Variants in NBEA observed in about 807,000 individuals in gnomAD.
NBEA encodes the protein neurobeachin.
A neutral mutation model predicts 343.4 loss-of-function variants in NBEA; 44 were observed. The observed-to-expected ratio is 0.13, with a 90% CI of 0.10 to 0.16. The LOEUF (loss-of-function observed/expected upper bound fraction) is 0.16. Ranked by LOEUF, NBEA falls within the 10% of genes least tolerant of loss-of-function variation. The probability of loss-of-function intolerance (pLI) is 1.00; values close to 1 mark genes in which losing one functional copy is unlikely to be tolerated. For synonymous variants in NBEA, 1,175 were observed against 1,238.7 expected (o/e 0.95, Z 1.08); for missense variants, 2,555 against 3,631.3 (o/e 0.70, Z 7.62).
At chr13:35,208,586 A>T in intron 31 of NBEA, 114 bp from the exon 32 acceptor site, 1 of 947,964 alleles carries the variant, frequency 1.1e-6, no homozygotes. Context: ...ATTTTTTTTT[A>T]ATTAAAAGAA....
At chr13:35,137,675 T>C (rs2067819357) in intron 17 of NBEA, among the ~76,000 whole-genome samples, 1 of 152,128 alleles carries the variant, frequency 6.6e-6, no homozygotes, top group Non-Finnish European at 1.5e-5. Flanking sequence ...TAAAAAGATA[T>C]CTAATGTTTA....
At chr13:35,091,952 GTAAC>G (rs1182427177) in intron 10 of NBEA, among the ~76,000 whole-genome samples, 2 of 151,956 alleles carry the variant, frequency 1.3e-5, no homozygotes, top group East Asian at 3.9e-4. Flanking sequence ...GAATGACAAA[GTAAC>G]TAGGATAGTT....
intron 40 of NBEA, among the ~76,000 whole-genome samples, chr13:35,452,966 A>G (rs2046380821): frequency 6.6e-6 from 1 of 152,156 alleles, no homozygotes; most frequent in Admixed American, 6.5e-5. Flanking sequence ...CATATCCTCA[A>G]CCTCACCTTA....
intron 34 of NBEA, among the ~76,000 whole-genome samples, chr13:35,257,106 A>G (rs988221989): frequency 3.9e-5 from 6 of 152,208 alleles, no homozygotes; most frequent in African/African-American, 1.2e-4. Context: ...ACTTTTTAAA[A>G]GTGTGTGAGA....
At chr13:35,267,374 C>A (rs1305304063) in intron 34 of NBEA, among the ~76,000 whole-genome samples, 1 of 151,708 alleles carries the variant, frequency 6.6e-6, no homozygotes, top group Non-Finnish European at 1.5e-5. Flanking sequence ...ACAAAATATA[C>A]AATTTTATCT....
intron 10 of NBEA, among the ~76,000 whole-genome samples, chr13:35,097,064 G>T (rs2065373274): frequency 6.6e-6 from 1 of 151,642 alleles, no homozygotes; most frequent in African/African-American, 2.4e-5. Context: ...TGTCTAGCTG[G>T]TATGTAATTC....
chr13:35,427,008 A>G (rs2044724886), intron 38 of NBEA, among the ~76,000 whole-genome samples: 1 of 152,084 alleles, frequency 6.6e-6, no homozygotes, highest in Non-Finnish European at 1.5e-5. Context: ...ACTTCTCTGC[A>G]TTGGTTATTC....
chr13:35,407,754 A>T (rs1290603976), intron 38 of NBEA, among the ~76,000 whole-genome samples: 1 of 152,188 alleles, frequency 6.6e-6, no homozygotes, highest in Non-Finnish European at 1.5e-5. Context: ...ATGAACTCCC[A>T]TTCACAATTG....
chr13:35,398,083 G>C (rs1195244903), intron 38 of NBEA, among the ~76,000 whole-genome samples: 1 of 152,122 alleles, frequency 6.6e-6, no homozygotes, highest in Non-Finnish European at 1.5e-5. Flanking sequence ...GGAATATTCT[G>C]AATGCTTTGT....
At chr13:35,156,628 A>G (rs1487708255) in intron 20 of NBEA, among the ~76,000 whole-genome samples, 3 of 152,146 alleles carry the variant, frequency 2.0e-5, no homozygotes. Context: ...GTCTGAGGCC[A>G]TGAACTCTGG....
intron 40 of NBEA, among the ~76,000 whole-genome samples, chr13:35,461,597 A>C (rs2046907398): frequency 6.6e-6 from 1 of 152,230 alleles, no homozygotes; most frequent in Non-Finnish European, 1.5e-5. Context: ...AAGATAACAA[A>C]ACAATTTTCC....
chr13:35,316,284 G>A (rs1566607929), intron 36 of NBEA, among the ~76,000 whole-genome samples: 1 of 151,760 alleles, frequency 6.6e-6, no homozygotes, highest in Non-Finnish European at 1.5e-5. Flanking sequence ...ACAGGCCCCA[G>A]TGTGTGATGT....
intron 38 of NBEA, among the ~76,000 whole-genome samples, chr13:35,371,096 C>A (rs530247999): frequency 1.3e-5 from 2 of 152,126 alleles, no homozygotes; most frequent in East Asian, 3.9e-4. Context: ...TTGGAGAAGA[C>A]CTTTTGAAAT....
chr13:35,092,519 A>G (rs539721450), intron 10 of NBEA, among the ~76,000 whole-genome samples: 2 of 152,028 alleles, frequency 1.3e-5, no homozygotes, highest in East Asian at 1.9e-4. Flanking sequence ...GTCCTTAACA[A>G]TAAGACTACA....
At chr13:34,976,658 T>G (rs912655193) in intron 1 of NBEA, among the ~76,000 whole-genome samples, 1 of 150,412 alleles carries the variant, frequency 6.6e-6, no homozygotes, top group Non-Finnish European at 1.5e-5. Context: ...TTTTTTGTTT[T>G]TTTTTTTTTT....
chr13:34,986,243 C>G (rs977289786), intron 1 of NBEA, among the ~76,000 whole-genome samples: 1 of 150,674 alleles, frequency 6.6e-6, no homozygotes, highest in Non-Finnish European at 1.5e-5. Flanking sequence ...TGTCTTTGTT[C>G]TCGTTGGTTT....
intron 18 of NBEA, among the ~76,000 whole-genome samples, chr13:35,151,928 TA>T (rs1394701866): frequency 2.0e-5 from 3 of 152,302 alleles, no homozygotes; most frequent in African/African-American, 7.2e-5. Context: ...CTAATACACT[TA>T]AGAATTGTTT....
Position 34,942,733 on chromosome 13 carries a change from A to C in NBEA, c.-88A>C. 1.8e-6 allele frequency: 2 copies of C among 1,107,396 alleles called. No individual in the cohort carries two copies. Among genetic ancestry groups the C allele is most frequent in the Non-Finnish European group, 1.1e-6 (1 of 876,340 alleles). The allele number at this position is 1,107,396 out of a possible 1,614,324, so 68.6% of individuals were successfully genotyped here. A position where few individuals can be genotyped will look rare whatever the true frequency, so the allele number is the denominator to read the frequency against. On this transcript the variant is annotated 5_prime_UTR_variant, in exon 1 of 59. Coordinates refer to ENST00000379939, the MANE Select transcript of NBEA (RefSeq NM_001385012.1). ...TGGTGGATGCTGGGGCTCCGAGGCG[A>C]CGGCCGGGGGGCGGGGGCCGAGGCA...
chr13:35,327,730 A>T lies in NBEA; in HGVS notation c.5903+18138A>T, dbSNP rs113327041. Reference sequence around the variant, plus strand: ...TGTACCCCAAACCTCAACATCATGCAATATACCCAGGTAACGATCCTGCAT... The same window carrying T: ...TGTACCCCAAACCTCAACATCATGCTATATACCCAGGTAACGATCCTGCAT... On this transcript the variant is annotated intron_variant, in intron 36 of 58. Transcript: ENST00000379939. Among the ~76,000 whole-genome samples, 971 of 152,060 alleles carry T rather than the reference A, an allele frequency of 6.4e-3. 9 individuals are homozygous for T. The highest frequency in any genetic ancestry group is 0.022 in the African/African-American group (934 of 41,524).
Sources: allele counts gnomAD v4.1 joint callset (sites outside exome capture counted in the v4.1 genomes callset), GRCh38; gene constraint gnomAD v4.1.1; transcripts MANE v1.5; gene names NCBI Gene and HGNC (gene_info 2026-07-23, HGNC 2026-07-21).